Variants in RUNX1 observed in about 807,000 individuals in gnomAD.
The protein encoded by RUNX1 is runt-related transcription factor 1.
Under a neutral mutation model 42.8 loss-of-function variants are expected in RUNX1, and 19 were observed. The ratio of observed to expected loss-of-function variants is 0.44; its 90% CI spans 0.31 to 0.65. The LOEUF is 0.65. Among genes scored for constraint, RUNX1 ranks in the 30% least tolerant of loss-of-function variants. The probability of loss-of-function intolerance (pLI) is 0.07; values close to 1 mark genes in which losing one functional copy is unlikely to be tolerated. For synonymous variants in RUNX1, 271 were observed against 289.4 expected (o/e 0.94, Z 0.64); for missense variants, 528 against 672.0 (o/e 0.79, Z 2.37).
chr21:34,847,985 T>A (rs531723736), intron 6 of RUNX1, among the ~76,000 whole-genome samples: 2 of 152,146 alleles, frequency 1.3e-5, no homozygotes, highest in Non-Finnish European at 2.9e-5. Flanking sequence ...TTGAACAGAA[T>A]TCCATTTGTT....
intron 2 of RUNX1, among the ~76,000 whole-genome samples, chr21:35,040,574 C>A (rs1057404796): frequency 1.3e-5 from 2 of 151,718 alleles, no homozygotes. Flanking sequence ...GAGATCGAAA[C>A]CATCCTGGCC....
At chr21:35,011,692 C>T (rs1156391872) in intron 2 of RUNX1, among the ~76,000 whole-genome samples, 7 of 152,122 alleles carry the variant, frequency 4.6e-5, no homozygotes, top group South Asian at 2.1e-4. Flanking sequence ...ACTTCAACAG[C>T]GAGTGGAAGC....
intron 2 of RUNX1, among the ~76,000 whole-genome samples, chr21:34,924,196 A>T (rs548026649): frequency 9.2e-5 from 14 of 152,254 alleles, no homozygotes; most frequent in African/African-American, 3.4e-4. Context: ...GCTAGGCCCA[A>T]CTTAGCTCCT....
chr21:34,805,699 G>A (rs961824651), intron 7 of RUNX1, among the ~76,000 whole-genome samples: 1 of 152,134 alleles, frequency 6.6e-6, no homozygotes, highest in Non-Finnish European at 1.5e-5. Context: ...CAGCTGACCT[G>A]CCCTATGAGA....
intron 2 of RUNX1, among the ~76,000 whole-genome samples, chr21:34,926,326 A>G (rs564135482): frequency 6.6e-6 from 1 of 151,740 alleles, no homozygotes; most frequent in Non-Finnish European, 1.5e-5. Context: ...AAATACAAAA[A>G]TTAGCCCAAG....
intron 7 of RUNX1, among the ~76,000 whole-genome samples, chr21:34,818,385 A>G (rs1168945335): frequency 6.6e-6 from 1 of 152,176 alleles, no homozygotes; most frequent in Non-Finnish European, 1.5e-5. Context: ...GAGGAGGGAG[A>G]AGGAGAGGGA....
At chr21:34,881,880 T>A (rs537236076) in intron 4 of RUNX1, among the ~76,000 whole-genome samples, 1 of 152,328 alleles carries the variant, frequency 6.6e-6, no homozygotes, top group African/African-American at 2.4e-5. Context: ...TTTCCTTTGT[T>A]TCTATTTTTC....
chr21:34,794,746 A>G (rs550355864), intron 8 of RUNX1, among the ~76,000 whole-genome samples: 1 of 152,312 alleles, frequency 6.6e-6, no homozygotes, highest in African/African-American at 2.4e-5. Context: ...GAGTTTCTCA[A>G]CTGTTGACAC....
intron 7 of RUNX1, among the ~76,000 whole-genome samples, chr21:34,818,977 G>T (rs563915560): frequency 6.6e-6 from 1 of 152,214 alleles, no homozygotes; most frequent in South Asian, 2.1e-4. Context: ...AGCTGGGGAG[G>T]AGGGGAAAGG....
chr21:34,972,739 G>C (rs899335666), intron 2 of RUNX1, among the ~76,000 whole-genome samples: 29 of 152,132 alleles, frequency 1.9e-4, no homozygotes, highest in African/African-American at 6.8e-4. Flanking sequence ...ACTCTACAAA[G>C]AATGAGATTG....
intron 3 of RUNX1, chr21:34,887,926 A>T: frequency 9.4e-7 from 1 of 1,065,630 alleles, no homozygotes; most frequent in Non-Finnish European, 1.1e-6. Flanking sequence ...CGTTTCAGAG[A>T]TCTTCAGCTA....
intron 6 of RUNX1, among the ~76,000 whole-genome samples, chr21:34,847,335 G>A (rs1325139963): frequency 6.6e-6 from 1 of 151,988 alleles, no homozygotes; most frequent in African/African-American, 2.4e-5. Context: ...TCACAGTGGG[G>A]TCTGATTTAA....
intron 5 of RUNX1, among the ~76,000 whole-genome samples, chr21:34,871,279 G>A (rs908876961): frequency 3.1e-4 from 47 of 152,124 alleles, no homozygotes; most frequent in Non-Finnish European, 8.8e-5. Flanking sequence ...CTCAGACACC[G>A]TCCACGAACT....
rs1428594919 is a variant in RUNX1 at position 34,910,699 on chromosome 21, G to A, written c.59-17736C>T. On this transcript the variant is annotated intron_variant, in intron 2 of 8. Coordinates refer to ENST00000675419, the MANE Select transcript of RUNX1 (RefSeq NM_001754.5). The stretch of plus-strand genomic sequence containing the variant: ...TCCAGGCCAGGACCATGTCCAGGGC[G>A]GGCTTGCTCCTGAATCACATGCTTC... 1.3e-5 allele frequency among the ~76,000 whole-genome samples: 2 copies of A among 152,146 alleles called. 1 individual carries two copies. The highest frequency in any genetic ancestry group is 4.1e-4 in the South Asian group (2 of 4,832).
At chr21:35,024,546 T>C (rs1015494428) in intron 2 of RUNX1, among the ~76,000 whole-genome samples, 1 of 152,240 alleles carries the variant, frequency 6.6e-6, no homozygotes, top group African/African-American at 2.4e-5. Context: ...TCAAAAGACT[T>C]AGAACTGACT....
At chr21:35,006,238 G>A (rs1051571959) in intron 2 of RUNX1, among the ~76,000 whole-genome samples, 3 of 152,216 alleles carry the variant, frequency 2.0e-5, no homozygotes, top group Non-Finnish European at 4.4e-5. Flanking sequence ...GCACCCACAC[G>A]TGGAAGATTG....
intron 3 of RUNX1, chr21:34,887,730 A>C: frequency 9.4e-7 from 1 of 1,060,070 alleles, no homozygotes; most frequent in Non-Finnish European, 1.1e-6. Context: ...TACTTCATAA[A>C]ATATTTACAA....
At chr21:34,888,689 T>C (rs1301468896) in intron 3 of RUNX1, 22 of 1,038,002 alleles carry the variant, frequency 2.1e-5, no homozygotes, top group Non-Finnish European at 2.3e-5. Flanking sequence ...GCTGGCTCTA[T>C]GAATGAGAGT....
intron 6 of RUNX1, among the ~76,000 whole-genome samples, chr21:34,856,617 T>C (rs923107725): frequency 2.6e-5 from 4 of 152,212 alleles, no homozygotes; most frequent in African/African-American, 9.6e-5. Flanking sequence ...GCAAACCGTT[T>C]CATTTTTCTG....
Sources: gnomAD v4.1 joint callset for allele counts (sites outside exome capture counted in the v4.1 genomes callset) on GRCh38, gnomAD v4.1.1 for gene constraint, MANE v1.5 for transcripts, NCBI Gene and HGNC (gene_info 2026-07-23, HGNC 2026-07-21) for gene names.